The following CEMIP2 variants were observed in gnomAD, a reference collection of about 807,000 sequenced individuals.
CEMIP2 encodes the protein cell migration inducing hyaluronidase 2.
In CEMIP2, 79 loss-of-function variants were observed where a neutral mutation model predicts 146.9. That is an observed-to-expected ratio of 0.54 (90% confidence interval 0.45 to 0.65). The LOEUF (loss-of-function observed/expected upper bound fraction) is 0.65, where lower values mean the gene tolerates loss of function less well. Among genes scored for constraint, CEMIP2 ranks in the 30% least tolerant of loss-of-function variants. The probability of loss-of-function intolerance (pLI) is 0.00; values close to 1 mark genes in which losing one functional copy is unlikely to be tolerated. For synonymous variants in CEMIP2, 601 were observed against 606.3 expected (o/e 0.99, Z 0.13); for missense variants, 1,596 against 1,696.2 (o/e 0.94, Z 1.04).
intron 2 of CEMIP2, among the ~76,000 whole-genome samples, 195 bp downstream of exon 2, chr9:71,749,848 G>C (rs566924031): frequency 1.3e-5 from 2 of 152,258 alleles, no homozygotes; most frequent in South Asian, 4.2e-4. Context: ...CAATGGACAG[G>C]AAGAGCAACC....
chr9:71,689,562 C>T (rs988494958), intron 22 of CEMIP2, among the ~76,000 whole-genome samples: 2 of 152,196 alleles, frequency 1.3e-5, no homozygotes, highest in African/African-American at 2.4e-5. Flanking sequence ...AATCAATTTA[C>T]TCTTTTCCAG....
intron 23 of CEMIP2, 59 bp downstream of exon 23, chr9:71,685,684 A>AGC (rs1371528767): frequency 7.0e-7 from 1 of 1,424,658 alleles, no homozygotes; most frequent in African/African-American, 1.4e-5. Flanking sequence ...GAATTGCACC[A>AGC]TAAAATTACC....
At chr9:71,699,187 T>A (rs1238007747) in intron 19 of CEMIP2, 2 of 176,980 alleles carry the variant, frequency 1.1e-5, no homozygotes, top group African/African-American at 2.3e-5. Context: ...GTCACCAGAC[T>A]ATCCTTCCAA....
chr9:71,718,189 G>A, intron 12 of CEMIP2, 110 bp from the exon 13 acceptor site: 1 of 1,053,408 alleles, frequency 9.5e-7, no homozygotes, highest in Non-Finnish European at 1.3e-6. Context: ...CAAAACAAAT[G>A]AAAAATTCTT....
At chr9:71,702,235 G>A (rs1000458214) in intron 18 of CEMIP2, among the ~76,000 whole-genome samples, 2 of 135,246 alleles carry the variant, frequency 1.5e-5, no homozygotes, top group Non-Finnish European at 3.1e-5. Flanking sequence ...TCTAGCCTGA[G>A]CAACAGAGCA....
At chr9:71,697,803 C>A in intron 20 of CEMIP2, 182 bp downstream of exon 20, 1 of 582,652 alleles carries the variant, frequency 1.7e-6, no homozygotes, top group South Asian at 2.3e-5. Flanking sequence ...GTATCTCTGT[C>A]ATAAATTTGA....
chr9:71,761,805 A>G (rs927799141), intron 1 of CEMIP2, among the ~76,000 whole-genome samples: 1 of 152,126 alleles, frequency 6.6e-6, no homozygotes, highest in Admixed American at 6.5e-5. Flanking sequence ...AAGTAATTAA[A>G]CTGAATGTTG....
Position 71,746,191 on chromosome 9 carries a change from C to A in CEMIP2, c.472+10G>T. ...CCTTGCAGTTCCCATAGGCAGGAAC[C>A]ATTACCTACCTCCATCCTGAATGAC... On this transcript the variant is annotated intron_variant, in intron 3 of 23. Transcript: ENST00000377044. The A allele has an allele frequency of 6.2e-7, 1 of 1,612,018 alleles. No individual in the cohort carries two copies. The highest frequency in any genetic ancestry group is 8.5e-7 in the Non-Finnish European group (1 of 1,178,840).
In CEMIP2 at chr9:71,768,402, G is replaced by A. The variant is rs929532291; in HGVS notation, c.-58C>T. 6.6e-6 allele frequency: 1 copy of A among 152,088 alleles called. No homozygotes were observed. The highest frequency in any genetic ancestry group is 2.4e-5 in the African/African-American group (1 of 41,414). 9.4% of individuals were successfully genotyped at this position (152,088 alleles called of 1,614,324 possible). ...GTCCGTTAACTCAGGTGCCTACACAGCGGTCCAGGGAGACGGAGAGGAGTC... is the reference window on the plus strand; with the variant it reads ...GTCCGTTAACTCAGGTGCCTACACAACGGTCCAGGGAGACGGAGAGGAGTC... On this transcript the variant is annotated 5_prime_UTR_variant, in exon 1 of 24. Transcript: ENST00000377044.
chr9:71,721,209 A>G (rs1823221716), intron 12 of CEMIP2, among the ~76,000 whole-genome samples: 1 of 152,176 alleles, frequency 6.6e-6, no homozygotes, highest in African/African-American at 2.4e-5. Context: ...AAATTATATT[A>G]GTTCTACCAA....
intron 21 of CEMIP2, among the ~76,000 whole-genome samples, chr9:71,692,365 A>ATCTC (rs10683725): frequency 0.049 from 4,445 of 90,442 alleles, 138 homozygotes; most frequent in Middle Eastern, 0.088. Flanking sequence ...TCTACCCCCC[A>ATCTC]TCTCTCTCTC....
Position 71,704,812 on chromosome 9 carries a change from A to T in CEMIP2, c.2986-9T>A, listed in dbSNP as rs754993785. The T allele has an allele frequency of 5.6e-6, 9 of 1,611,222 alleles. No homozygotes were observed. In the East Asian group the frequency reaches 1.8e-4, roughly 32 times the overall value. On this transcript the variant is annotated splice_polypyrimidine_tract_variant and intron_variant, in intron 17 of 23. Transcript: ENST00000377044. ...CATGTCTGTACATAGACCTTGAAAA[A>T]ATAATCAAGAAGTAAAGGGAAGAGA...
Position 71,735,001 on chromosome 9 carries a change from CA to C in CEMIP2, c.1205-8del, listed in dbSNP as rs71353514. The stretch of plus-strand genomic sequence containing the variant: ...AATCCTGAAAGAGAAACGCCTAAAC[CA>C]AAAAAAAAAAAAAGAAAAAGAAAGT... On this transcript the variant is annotated splice_region_variant and splice_polypyrimidine_tract_variant and intron_variant, in intron 5 of 23. Transcript: ENST00000377044. 0.034 allele frequency: 47,310 copies of C among 1,373,176 alleles called. 1 individual carries two copies. Among genetic ancestry groups the C allele is most frequent in the Admixed American group, 0.069 (3,046 of 44,142 alleles). 85.1% of individuals were successfully genotyped at this position (1,373,176 alleles called of 1,614,324 possible). A position where few individuals can be genotyped will look rare whatever the true frequency, so the allele number is the denominator to read the frequency against.
intron 10 of CEMIP2, among the ~76,000 whole-genome samples, chr9:71,726,019 C>G (rs972123988): frequency 6.6e-6 from 1 of 152,088 alleles, no homozygotes; most frequent in Non-Finnish European, 1.5e-5. Flanking sequence ...GAATTAAAAC[C>G]AAATCGGCTT....
intron 5 of CEMIP2, among the ~76,000 whole-genome samples, chr9:71,735,252 T>C (rs989543347): frequency 1.1e-4 from 16 of 152,066 alleles, no homozygotes; most frequent in African/African-American, 3.6e-4. Context: ...GTCACCTTAG[T>C]AAACCATTAT....
chr9:71,724,595 A>G (rs1035316912), intron 11 of CEMIP2, among the ~76,000 whole-genome samples: 2 of 152,320 alleles, frequency 1.3e-5, no homozygotes, highest in East Asian at 1.9e-4. Context: ...CATCACACAC[A>G]TAACAAAACA....
chr9:71,712,851 T>A (rs969483595), intron 15 of CEMIP2, among the ~76,000 whole-genome samples: 2 of 152,224 alleles, frequency 1.3e-5, no homozygotes, highest in African/African-American at 4.8e-5. Flanking sequence ...CTTAGCCTAC[T>A]AATCATAAAT....
At chr9:71,755,430 C>T (rs1824404484) in intron 1 of CEMIP2, among the ~76,000 whole-genome samples, 1 of 151,522 alleles carries the variant, frequency 6.6e-6, no homozygotes, top group African/African-American at 2.4e-5. Flanking sequence ...GCCCTAGCTA[C>T]TCCGGAGGCG....
chr9:71,740,055 T>C lies in CEMIP2; in HGVS notation c.1204+8A>G, dbSNP rs1024731289. The C allele has an allele frequency of 3.2e-5, 52 of 1,612,432 alleles. No individual in the cohort carries two copies. The highest frequency in any genetic ancestry group is 4.2e-5 in the Non-Finnish European group (49 of 1,179,348). ...TGTCTTACAAGAGTATAAACTCTAC[T>C]TGCCTACCTTCAATCCATTCACTAT... On this transcript the variant is annotated splice_region_variant and intron_variant, in intron 5 of 23. Transcript: ENST00000377044.
Sources: allele counts gnomAD v4.1 joint callset (sites outside exome capture counted in the v4.1 genomes callset), GRCh38; gene constraint gnomAD v4.1.1; transcripts MANE v1.5; gene names NCBI Gene and HGNC (gene_info 2026-07-23, HGNC 2026-07-21).